The following GPC5 variants were observed in gnomAD, a reference collection of about 807,000 sequenced individuals.
GPC5 encodes glypican-5.
Under a neutral mutation model 53.9 loss-of-function variants are expected in GPC5, and 47 were observed. The observed-to-expected ratio is 0.87, with a 90% CI of 0.69 to 1.11. The LOEUF is 1.11. Among genes scored for constraint, GPC5 ranks in the 50% most tolerant of loss-of-function variants. GPC5 has a pLI of 0.00. For synonymous variants in GPC5, 286 were observed against 263.3 expected, an observed-to-expected ratio of 1.09 and a Z score of -0.84; for missense variants, 748 against 713.1, an observed-to-expected ratio of 1.05 and a Z score of -0.56.
intron 7 of GPC5, among the ~76,000 whole-genome samples, chr13:92,276,439 C>T (rs1165080479): frequency 6.6e-6 from 1 of 152,014 alleles, no homozygotes; most frequent in Non-Finnish European, 1.5e-5. Flanking sequence ...TTTGACGAGA[C>T]TATTATTCTT....
intron 2 of GPC5, among the ~76,000 whole-genome samples, chr13:91,537,017 A>G (rs535472305): frequency 1.3e-5 from 2 of 152,322 alleles, no homozygotes; most frequent in South Asian, 2.1e-4. Flanking sequence ...TGAAAATACA[A>G]TGTACCAAAA....
At chr13:92,295,757 T>TC (rs1382669711) in intron 7 of GPC5, among the ~76,000 whole-genome samples, 4 of 152,232 alleles carry the variant, frequency 2.6e-5, no homozygotes, top group Non-Finnish European at 4.4e-5. Flanking sequence ...GCCTGTTTTG[T>TC]CTGACATAAG....
At chr13:92,148,819 A>C (rs963233888) in intron 7 of GPC5, among the ~76,000 whole-genome samples, 11 of 152,066 alleles carry the variant, frequency 7.2e-5, no homozygotes, top group African/African-American at 2.7e-4. Flanking sequence ...TAAAATCTAT[A>C]CTTCTTGAAA....
chr13:92,633,110 T>G (rs1217225633), intron 7 of GPC5, among the ~76,000 whole-genome samples: 2 of 152,096 alleles, frequency 1.3e-5, no homozygotes. Context: ...AGGCTGGTCA[T>G]GAACTCCTGA....
chr13:92,768,070 C>T (rs1173858928), intron 7 of GPC5, among the ~76,000 whole-genome samples: 4 of 152,108 alleles, frequency 2.6e-5, no homozygotes, highest in African/African-American at 4.8e-5. Flanking sequence ...ACCCTCAATC[C>T]AGATAAATGA....
At position 92,387,409 on chromosome 13, in the gene GPC5, C is replaced by T. The variant is rs377226235; in HGVS notation, c.1561+242420C>T. On this transcript the variant is annotated intron_variant, in intron 7 of 7. Transcript: ENST00000377067. ...TAGCTCTATCAGGACATAACCTCATCGTAAGTTGAGGAATATCTGTAATTA... is the reference window on the plus strand; with the variant it reads ...TAGCTCTATCAGGACATAACCTCATTGTAAGTTGAGGAATATCTGTAATTA... 3.9e-5 allele frequency among the ~76,000 whole-genome samples: 6 copies of T among 152,114 alleles called. No homozygotes were observed. The East Asian group carries it at 7.7e-4, about 20-fold the overall frequency.
At chr13:92,400,258 T>G (rs553217897) in intron 7 of GPC5, among the ~76,000 whole-genome samples, 1 of 152,300 alleles carries the variant, frequency 6.6e-6, no homozygotes, top group South Asian at 2.1e-4. Flanking sequence ...AATAAAGATA[T>G]GCTCCAAAGT....
chr13:92,507,750 GA>G (rs1395552820), intron 7 of GPC5, among the ~76,000 whole-genome samples: 1 of 152,036 alleles, frequency 6.6e-6, no homozygotes, highest in Non-Finnish European at 1.5e-5. Flanking sequence ...GAATTAAGTG[GA>G]AATAGCTTTG....
chr13:91,767,891 C>T (rs1049006402), intron 5 of GPC5, among the ~76,000 whole-genome samples: 2 of 152,138 alleles, frequency 1.3e-5, no homozygotes. Context: ...CTTGTGACTT[C>T]CAGATTGTGT....
At chr13:92,543,481 A>G (rs925143664) in intron 7 of GPC5, among the ~76,000 whole-genome samples, 12 of 152,084 alleles carry the variant, frequency 7.9e-5, no homozygotes, top group African/African-American at 2.9e-4. Flanking sequence ...CTGGGTATCC[A>G]AGGTACTAGT....
intron 6 of GPC5, among the ~76,000 whole-genome samples, chr13:91,933,841 G>A (rs1009329136): frequency 6.6e-6 from 1 of 152,006 alleles, no homozygotes; most frequent in Non-Finnish European, 1.5e-5. Context: ...ATGATAATTT[G>A]CATGTCTTGC....
At chr13:92,206,163 T>A (rs1462138529) in intron 7 of GPC5, among the ~76,000 whole-genome samples, 73 of 62,388 alleles carry the variant, frequency 1.2e-3, no homozygotes, top group South Asian at 5.9e-3. Context: ...TTATTTTTTT[T>A]TTTATTTTTT....
At chr13:91,487,528 G>T (rs1273655290) in intron 2 of GPC5, among the ~76,000 whole-genome samples, 1 of 152,102 alleles carries the variant, frequency 6.6e-6, no homozygotes, top group Non-Finnish European at 1.5e-5. Flanking sequence ...GGGAATACTA[G>T]GGTAGGGCCC....
chr13:92,820,075 G>A (rs1230226453), intron 7 of GPC5, among the ~76,000 whole-genome samples: 2 of 151,830 alleles, frequency 1.3e-5, no homozygotes, highest in East Asian at 1.9e-4. Context: ...ACGAATGCTC[G>A]AATCAATATC....
chr13:91,811,640 A>C (rs2038313702), intron 5 of GPC5, among the ~76,000 whole-genome samples: 1 of 93,088 alleles, frequency 1.1e-5, no homozygotes. Flanking sequence ...TTATATTTAG[A>C]GTATTTTTTG....
At chr13:91,447,907 C>G (rs778964992) in intron 1 of GPC5, among the ~76,000 whole-genome samples, 2 of 151,984 alleles carry the variant, frequency 1.3e-5, no homozygotes, top group Non-Finnish European at 2.9e-5. Flanking sequence ...CATCAGCTCT[C>G]TCCATCAGGG....
intron 7 of GPC5, among the ~76,000 whole-genome samples, chr13:92,729,685 G>A (rs748493801): frequency 6.6e-6 from 1 of 151,366 alleles, no homozygotes; most frequent in Admixed American, 6.6e-5. Flanking sequence ...GCATGTATTT[G>A]ATGTTGATTG....
intron 7 of GPC5, among the ~76,000 whole-genome samples, chr13:92,589,868 T>C (rs891067128): frequency 1.8e-4 from 27 of 152,316 alleles, no homozygotes; most frequent in African/African-American, 5.1e-4. Context: ...GAAATGATAA[T>C]CACTGGTATT....
chr13:91,920,471 A>G (rs74538682), intron 6 of GPC5, among the ~76,000 whole-genome samples: 6,999 of 152,304 alleles, frequency 0.046, 242 homozygotes, highest in Non-Finnish European at 0.064. Flanking sequence ...AAGAGAATGA[A>G]TTTATCAAGT....
Sources: allele counts gnomAD v4.1 joint callset (sites outside exome capture counted in the v4.1 genomes callset), GRCh38; gene constraint gnomAD v4.1.1; transcripts MANE v1.5; gene names NCBI Gene and HGNC (gene_info 2026-07-23, HGNC 2026-07-21).